Variants in MAMDC2 observed in about 807,000 individuals in gnomAD.
MAMDC2 encodes the protein MAM domain-containing protein 2.
Under a neutral mutation model 89.8 loss-of-function variants are expected in MAMDC2, and 57 were observed. That is an observed-to-expected ratio of 0.63 (90% CI 0.51 to 0.79). The LOEUF is 0.79. MAMDC2 is among the 30% of genes least tolerant of loss of function. The pLI, the probability that MAMDC2 is intolerant of heterozygous loss-of-function variation, is 0.00. For missense variants in MAMDC2, 800 were observed against 820.6 expected (o/e 0.97, Z 0.31); for synonymous variants, 313 against 293.4 (o/e 1.07, Z -0.68).
intron 6 of MAMDC2, among the ~76,000 whole-genome samples, chr9:70,128,559 A>G (rs2030665159): frequency 6.6e-6 from 1 of 152,218 alleles, no homozygotes; most frequent in Admixed American, 6.5e-5. Context: ...AAAAATGAAG[A>G]AACCGAGGGC....
rs149236074 is a variant in MAMDC2 at position 70,123,739 on chromosome 9, A to T, written c.644-2420A>T. ...TTATTAAAAGGGGAACTTTGGGCAC[A>T]GAGAGAAATGTACACAGGGAGAATG... On this transcript the variant is annotated intron_variant, in intron 5 of 13. Coordinates refer to ENST00000377182, the MANE Select transcript of MAMDC2 (RefSeq NM_153267.5). Among the ~76,000 whole-genome samples the T allele has an allele frequency of 2.5e-3, 379 of 152,312 alleles. 1 individual carries two copies. Among genetic ancestry groups the T allele is most frequent in the Non-Finnish European group, 4.0e-3 (271 of 68,028 alleles).
intron 12 of MAMDC2, among the ~76,000 whole-genome samples, chr9:70,224,832 G>A (rs1015704642): frequency 6.6e-6 from 1 of 152,082 alleles, no homozygotes; most frequent in Non-Finnish European, 1.5e-5. Flanking sequence ...TTTATTAAGA[G>A]TATTTTGCCA....
chr9:70,165,391 T>G (rs2032140859), intron 9 of MAMDC2, among the ~76,000 whole-genome samples: 1 of 152,200 alleles, frequency 6.6e-6, no homozygotes, highest in Non-Finnish European at 1.5e-5. Flanking sequence ...TCCAGTGTGT[T>G]AGATCAAACA....
intron 2 of MAMDC2, among the ~76,000 whole-genome samples, chr9:70,095,120 C>T (rs1348102251): frequency 6.6e-6 from 1 of 152,148 alleles, no homozygotes; most frequent in Non-Finnish European, 1.5e-5. Context: ...GAGCCTGGCA[C>T]CTTAGCTTAA....
rs761895967 is a variant in MAMDC2 at position 70,126,340 on chromosome 9, C to A, written c.825C>A (p.Ile275=). 6.2e-7 allele frequency: 1 copy of A among 1,614,108 alleles called. No homozygotes were observed. The change falls in exon 6 of 14, where the codon ATC becomes ATA. Residue 275 remains isoleucine, a synonymous_variant. Coordinates refer to ENST00000377182, the MANE Select transcript of MAMDC2 (RefSeq NM_153267.5). The stretch of plus-strand genomic sequence containing the variant: ...ATGTGGCTGGCCTTTACGAGGAAAT[C>A]TGGAAAGCAGACAGGCCAGGGAATG... ...TRDVAGLYEE[I]WKADRPGNAA... is the part of the protein sequence containing the mutation.
At chr9:70,054,125 C>T (rs1826974306) in intron 2 of MAMDC2, among the ~76,000 whole-genome samples, 1 of 152,042 alleles carries the variant, frequency 6.6e-6, no homozygotes. Flanking sequence ...TGGGACACAT[C>T]CAAGTGGAGA....
chr9:70,159,214 A>C (rs1293369970), intron 9 of MAMDC2, among the ~76,000 whole-genome samples: 2 of 152,192 alleles, frequency 1.3e-5, no homozygotes, highest in Non-Finnish European at 2.9e-5. Context: ...TCAAACATGC[A>C]TACTTTATTA....
intron 12 of MAMDC2, among the ~76,000 whole-genome samples, chr9:70,219,586 C>T (rs7860080): frequency 3.0e-4 from 45 of 152,270 alleles, no homozygotes; most frequent in African/African-American, 9.6e-4. Flanking sequence ...GAAGGAATTG[C>T]AGAAGCTCAG....
At chr9:70,055,527 C>T (rs143218427) in intron 2 of MAMDC2, among the ~76,000 whole-genome samples, 21 of 152,202 alleles carry the variant, frequency 1.4e-4, no homozygotes, top group Non-Finnish European at 2.1e-4. Flanking sequence ...GCAAGTTGTA[C>T]GCTTCTCTGC....
intron 12 of MAMDC2, among the ~76,000 whole-genome samples, chr9:70,221,014 G>T (rs936010849): frequency 1.3e-5 from 2 of 151,992 alleles, no homozygotes; most frequent in African/African-American, 4.8e-5. Flanking sequence ...GGCAGAACTG[G>T]TATTCTCAAC....
intron 2 of MAMDC2, among the ~76,000 whole-genome samples, chr9:70,070,038 G>A (rs926931685): frequency 1.3e-5 from 2 of 152,196 alleles, no homozygotes; most frequent in African/African-American, 2.4e-5. Flanking sequence ...AGCGTAGGGT[G>A]AGTGAGGTTG....
intron 2 of MAMDC2, among the ~76,000 whole-genome samples, chr9:70,099,835 C>T (rs570536781): frequency 2.6e-5 from 4 of 152,082 alleles, no homozygotes; most frequent in East Asian, 1.9e-4. Context: ...ATTAGCTGGG[C>T]GTGGTGCCGG....
At chr9:70,045,656 A>C (rs1826731754) in intron 2 of MAMDC2, among the ~76,000 whole-genome samples, 1 of 152,116 alleles carries the variant, frequency 6.6e-6, no homozygotes, top group African/African-American at 2.4e-5. Context: ...TAGATGTATG[A>C]ACTGTCACCA....
chr9:70,107,797 C>T (rs564586770), intron 2 of MAMDC2, among the ~76,000 whole-genome samples: 6 of 152,256 alleles, frequency 3.9e-5, no homozygotes, highest in Non-Finnish European at 7.4e-5. Context: ...TCAGTCATGC[C>T]GCTCTTCTGA....
At chr9:70,204,346 G>A (rs1404312189) in intron 11 of MAMDC2, among the ~76,000 whole-genome samples, 2 of 152,018 alleles carry the variant, frequency 1.3e-5, no homozygotes, top group East Asian at 3.9e-4. Context: ...CTGCTGGGGG[G>A]TGCCTCCCAG....
At chr9:70,076,091 C>A (rs1307060565) in intron 2 of MAMDC2, among the ~76,000 whole-genome samples, 4 of 152,146 alleles carry the variant, frequency 2.6e-5, no homozygotes, top group South Asian at 4.1e-4. Context: ...TTTTCCTAAG[C>A]CCTGAGCTGT....
intron 2 of MAMDC2, among the ~76,000 whole-genome samples, chr9:70,070,977 C>T (rs1261621567): frequency 6.6e-6 from 1 of 152,120 alleles, no homozygotes; most frequent in African/African-American, 2.4e-5. Flanking sequence ...TAAATATTTG[C>T]ATATCAATGG....
At chr9:70,199,806 G>A (rs2033059218) in intron 11 of MAMDC2, among the ~76,000 whole-genome samples, 2 of 147,368 alleles carry the variant, frequency 1.4e-5, no homozygotes. Context: ...GGCCAGTGAT[G>A]ATGAGCATTT....
At chr9:70,161,858 G>A (rs969622025) in intron 9 of MAMDC2, among the ~76,000 whole-genome samples, 13 of 152,220 alleles carry the variant, frequency 8.5e-5, no homozygotes, top group East Asian at 3.9e-4. Context: ...TGTAGTTGTC[G>A]TAACCAAATT....
Sources: allele counts gnomAD v4.1 joint callset (sites outside exome capture counted in the v4.1 genomes callset), GRCh38; gene constraint gnomAD v4.1.1; transcripts MANE v1.5; gene names NCBI Gene and HGNC (gene_info 2026-07-23, HGNC 2026-07-21).